MTHFSD: variants seen among roughly 807,000 people sequenced by gnomAD.
The protein encoded by MTHFSD is methenyltetrahydrofolate synthetase domain containing.
MTHFSD carries 37 observed loss-of-function variants against 31.1 expected under a neutral mutation model. The observed-to-expected ratio is 1.19, with a 90% CI of 0.91 to 1.56. MTHFSD has a LOEUF of 1.56. MTHFSD is among the 40% of genes most tolerant of loss of function. MTHFSD has a pLI of 0.00. For synonymous variants in MTHFSD, 221 were observed against 206.9 expected, an observed-to-expected ratio of 1.07 and a Z score of -0.59; for missense variants, 664 against 510.1, an observed-to-expected ratio of 1.30 and a Z score of -2.91.
intron 2 of MTHFSD, among the ~76,000 whole-genome samples, chr16:86,554,186 C>T (rs1479330938): frequency 1.3e-5 from 2 of 152,144 alleles, no homozygotes; most frequent in Non-Finnish European, 2.9e-5. Flanking sequence ...TTCTTTGAGT[C>T]CACCCTGCCT....
At chr16:86,555,021 C>G (rs764026646) in intron 1 of MTHFSD, 148 bp downstream of exon 1, 4 of 1,432,200 alleles carry the variant, frequency 2.8e-6, no homozygotes, top group Non-Finnish European at 2.8e-6. Flanking sequence ...CGACCCGAAC[C>G]CAGCACAGAC....
In MTHFSD at chr16:86,531,951, C is replaced by G. The variant is rs1970028948; in HGVS notation, c.*60G>C. The G allele has an allele frequency of 8.3e-7, 1 of 1,206,838 alleles. No homozygotes were observed. Among genetic ancestry groups the G allele is most frequent in the Non-Finnish European group, 1.1e-6 (1 of 916,030 alleles). 74.8% of individuals were successfully genotyped at this position (1,206,838 alleles called of 1,614,324 possible). The stretch of plus-strand genomic sequence containing the variant: ...GCAGGCCTCTCGAGTGCCATCGGAA[C>G]CGGAGCGGCAGGGGACGGGGATGGC... On this transcript the variant is annotated 3_prime_UTR_variant, in exon 8 of 8. Transcript: ENST00000360900. The surrounding 1 kb of genome is among the most constrained non-coding windows in gnomAD (Gnocchi z 5.5).
At chr16:86,550,973 G>A (rs903487456) in intron 3 of MTHFSD, among the ~76,000 whole-genome samples, 1 of 152,180 alleles carries the variant, frequency 6.6e-6, no homozygotes, top group Admixed American at 6.5e-5. Flanking sequence ...AGCACACAAC[G>A]CATGGCAGCG....
chr16:86,530,707 C>T lies in MTHFSD; in HGVS notation c.*1304G>A, dbSNP rs1404648626. On this transcript the variant is annotated 3_prime_UTR_variant, in exon 8 of 8. Transcript: ENST00000360900. ...TGAGGAGTTCAGTGTAACCAGGTGACTACTCTGAACTGGGGACTGAGTCAG... is the reference window on the plus strand; with the variant it reads ...TGAGGAGTTCAGTGTAACCAGGTGATTACTCTGAACTGGGGACTGAGTCAG... The T allele has an allele frequency of 6.6e-6, 1 of 152,154 alleles. No individual in the cohort carries two copies. Among genetic ancestry groups the T allele is most frequent in the African/African-American group, 2.4e-5 (1 of 41,424 alleles). The allele number at this position is 152,154 out of a possible 1,614,324, so 9.4% of individuals were successfully genotyped here.
intron 7 of MTHFSD, chr16:86,535,292 C>A: frequency 1.0e-6 from 1 of 985,232 alleles, no homozygotes; most frequent in Non-Finnish European, 1.2e-6. Flanking sequence ...TAAAGGATGA[C>A]AAGGCTTCAC....
chr16:86,546,556 T>TA lies in MTHFSD; in HGVS notation c.442+2dup. ...CTCAAGGGTTCCCATCTGCTAGTCT[T>TA]ACCTTTTTCAGAAACGGCGACGGAT... On this transcript the variant is annotated splice_region_variant and intron_variant, in intron 5 of 7. Coordinates refer to ENST00000360900, the MANE Select transcript of MTHFSD (RefSeq NM_001159377.2). 1 of 1,613,818 alleles carries TA rather than the reference T, an allele frequency of 6.2e-7. No individual in the cohort carries two copies. Among genetic ancestry groups the TA allele is most frequent in the Non-Finnish European group, 8.5e-7 (1 of 1,179,894 alleles).
At position 86,548,020 on chromosome 16, in the gene MTHFSD, T is replaced by C. The variant is rs1257573569; in HGVS notation, c.351+444A>G. The stretch of plus-strand genomic sequence containing the variant: ...CAAGAAAATCTTAAATATGTAATTA[T>C]CAGCAATTACTCACTTAGAACTGGT... On this transcript the variant is annotated intron_variant, in intron 4 of 7. Coordinates refer to ENST00000360900, the MANE Select transcript of MTHFSD (RefSeq NM_001159377.2). 2.3e-6 allele frequency: 3 copies of C among 1,284,430 alleles called. No individual in the cohort carries two copies. In the East Asian group the frequency reaches 1.7e-4, roughly 71 times the overall value. 79.6% of individuals were successfully genotyped at this position (1,284,430 alleles called of 1,614,324 possible). A position where few individuals can be genotyped will look rare whatever the true frequency, so the allele number is the denominator to read the frequency against.
rs566484936 is a variant in MTHFSD at position 86,546,579 on chromosome 16, G to A, written c.422C>T (p.Ser141Phe). The A allele has an allele frequency of 7.5e-4, 1,211 of 1,613,970 alleles. 17 individuals carry two copies. In the South Asian group the frequency reaches 0.012, roughly 16 times the overall value. The change falls in exon 5 of 8, where the codon TCC (serine) becomes TTC (phenylalanine). Residue 141 changes from serine to phenylalanine, a missense_variant. Ser to Phe is a radical substitution (Grantham distance 155). Transcript: ENST00000360900. The stretch of plus-strand genomic sequence containing the variant: ...CTTACCTTTTTCAGAAACGGCGACG[G>A]ATCCCACCACAACTAAATCCACGAG... ...RVLVDLVVVG[S>F]VAVSEKGWRI...
At chr16:86,541,599 T>C (rs975793210) in intron 7 of MTHFSD, 98 bp downstream of exon 7, 1 of 1,502,924 alleles carries the variant, frequency 6.7e-7, no homozygotes, top group Non-Finnish European at 9.0e-7. Flanking sequence ...CATACAGCCA[T>C]GCTGGGATTG....
rs1046991 is a variant in MTHFSD, at chr16:86,530,661, A to T, written c.*1350T>A. On this transcript the variant is annotated 3_prime_UTR_variant, in exon 8 of 8. Coordinates refer to ENST00000360900, the MANE Select transcript of MTHFSD (RefSeq NM_001159377.2). Reference sequence around the variant, plus strand: ...TCTTTCAGAAAAAGAAGTATTTTTTAAAAAAAGAGAGAAAAGAAGGTGAGG... The same window carrying T: ...TCTTTCAGAAAAAGAAGTATTTTTTTAAAAAAGAGAGAAAAGAAGGTGAGG... 0.46 allele frequency: 69,229 copies of T among 152,116 alleles called. 18,087 individuals carry two copies. The highest frequency in any genetic ancestry group is 0.6 in the Non-Finnish European group (40,791 of 67,970). 9.4% of individuals were successfully genotyped at this position (152,116 alleles called of 1,614,324 possible).
chr16:86,538,750 C>T (rs779617631), intron 7 of MTHFSD, among the ~76,000 whole-genome samples: 2 of 152,216 alleles, frequency 1.3e-5, no homozygotes, highest in African/African-American at 2.4e-5. Flanking sequence ...GCTTCAGGCC[C>T]AGGTCTCTGG....
Position 86,555,224 on chromosome 16 carries a change from C to A in MTHFSD, c.-40G>T. On this transcript the variant is annotated 5_prime_UTR_variant, in exon 1 of 8. Coordinates refer to ENST00000360900, the MANE Select transcript of MTHFSD (RefSeq NM_001159377.2). Reference sequence around the variant, plus strand: ...TGTGCGACGCTTCCCGGCGCAGGTTCTGGCGCGTAGTGACGTCACCCGCTC... The same window carrying A: ...TGTGCGACGCTTCCCGGCGCAGGTTATGGCGCGTAGTGACGTCACCCGCTC... 6.5e-7 allele frequency: 1 copy of A among 1,535,724 alleles called. No individual in the cohort carries two copies. Among genetic ancestry groups the A allele is most frequent in the East Asian group, 2.4e-5 (1 of 40,912 alleles).
intron 7 of MTHFSD, chr16:86,533,592 A>C (rs1399965017): frequency 6.6e-6 from 1 of 152,228 alleles, no homozygotes; most frequent in East Asian, 1.9e-4. Context: ...ACTAGTATCA[A>C]TGCTCTCATT....
Position 86,541,727 on chromosome 16 carries a change from G to T in MTHFSD, c.651C>A (p.Arg217=), listed in dbSNP as rs766001997. 3.1e-6 allele frequency: 5 copies of T among 1,613,944 alleles called. No individual in the cohort carries two copies. In the South Asian group the frequency reaches 5.5e-5, roughly 18 times the overall value. ...ACCAGGTGATTCCCATTGGCTTTGG[G>T]CGCTTGCAGCCTGTGGCGATGACTC... ...PTRVIATGCK[R]PKPMGITWFK... The change falls in exon 7 of 8, where the codon CGC becomes CGA. Residue 217 remains arginine (R), a synonymous_variant. Coordinates refer to ENST00000360900, the MANE Select transcript of MTHFSD (RefSeq NM_001159377.2).
Position 86,552,255 on chromosome 16 carries a change from T to C in MTHFSD, c.124-109A>G, listed in dbSNP as rs1027947370. On this transcript the variant is annotated intron_variant, in intron 2 of 7. Coordinates refer to ENST00000360900, the MANE Select transcript of MTHFSD (RefSeq NM_001159377.2). ...AATGGTCCTGGCCGTTTTGAACGCC[T>C]GCAAGCGTGGGAGTTGCTCGGCAGC... The C allele has an allele frequency of 3.1e-6, 5 of 1,606,704 alleles. No homozygotes were observed. The African/African-American group carries it at 6.7e-5, about 21-fold the overall frequency.
chr16:86,553,644 C>G (rs140129423), intron 2 of MTHFSD: 1 of 156,346 alleles, frequency 6.4e-6, no homozygotes, highest in Admixed American at 6.5e-5. Context: ...CCACCCCCAC[C>G]GGCGGGCTCC....
At chr16:86,540,830 G>A (rs927391729) in intron 7 of MTHFSD, 13 of 1,038,494 alleles carry the variant, frequency 1.3e-5, no homozygotes, top group African/African-American at 5.0e-5. Context: ...TTCCCTCTGC[G>A]TTCATCAGCG....
chr16:86,554,600 G>A (rs1444434252), intron 2 of MTHFSD, 45 bp downstream of exon 2: 3 of 1,374,088 alleles, frequency 2.2e-6, no homozygotes, highest in Admixed American at 3.5e-5. Context: ...ATTCATTTAA[G>A]AATATTTTGT....
At position 86,540,309 on chromosome 16, in the gene MTHFSD, C is replaced by A. The variant is rs564244322; in HGVS notation, c.681+1388G>T. Among the ~76,000 whole-genome samples the A allele has an allele frequency of 6.9e-4, 105 of 152,304 alleles. 2 individuals are homozygous for A. The South Asian group carries it at 0.022, about 31-fold the overall frequency. On this transcript the variant is annotated intron_variant, in intron 7 of 7. Coordinates refer to ENST00000360900, the MANE Select transcript of MTHFSD (RefSeq NM_001159377.2). ...AAGAGGGTCTCGACAAACAGCGAAGCCCCCGATGCCCTCCCTCCCCCACAG... is the reference window on the plus strand; with the variant it reads ...AAGAGGGTCTCGACAAACAGCGAAGACCCCGATGCCCTCCCTCCCCCACAG...
Sources: allele counts gnomAD v4.1 joint callset (sites outside exome capture counted in the v4.1 genomes callset), GRCh38; gene constraint gnomAD v4.1.1; non-coding constraint Gnocchi (gnomAD v3.1); transcripts MANE v1.5; gene names NCBI Gene and HGNC (gene_info 2026-07-23, HGNC 2026-07-21).